Variants in ZNF648 observed in about 807,000 individuals in gnomAD.
ZNF648 encodes the protein zinc finger protein 648.
Under a neutral mutation model 0.3 loss-of-function variants are expected in ZNF648, and 1 was observed. The ratio of observed to expected loss-of-function variants is 3.90; its 90% CI spans 1.39 to 18.51. The LOEUF (loss-of-function observed/expected upper bound fraction) is 18.51, where lower values mean the gene tolerates loss of function less well. Among genes scored for constraint, ZNF648 ranks in the 30% most tolerant of loss-of-function variants. The pLI is 0.11. For synonymous variants in ZNF648, 376 were observed against 326.8 expected, an observed-to-expected ratio of 1.15 and a Z score of -1.62; for missense variants, 874 against 769.7, an observed-to-expected ratio of 1.14 and a Z score of -1.60.
rs764846052 is a variant in ZNF648, at chr1:182,057,288, C to G, written c.723G>C (p.Glu241Asp). 1 of 1,596,316 alleles carries G rather than the reference C, an allele frequency of 6.3e-7. No individual in the cohort carries two copies. Among genetic ancestry groups the G allele is most frequent in the Non-Finnish European group, 8.5e-7 (1 of 1,176,158 alleles). ...AGGGACGCGCCTCAGCCTCTCCGCC[C>G]TCGCGCCGGCCCGCCTGGTTCTGTA... The part of the protein sequence containing the change: ...RKVQNQAGRR[E>D]GGEAEARPYR... Residue 241 changes from glutamate to aspartate, a missense_variant, in exon 2 of 2, where the codon GAG (glutamate) becomes GAC (aspartate). By Grantham distance (45) the Glu-to-Asp change is conservative. Coordinates refer to ENST00000339948, the MANE Select transcript of ZNF648 (RefSeq NM_001009992.1).
Position 182,056,583 on chromosome 1 carries a change from A to G in ZNF648, c.1428T>C (p.Phe476=), listed in dbSNP as rs1020206850. The G allele has an allele frequency of 6.2e-7, 1 of 1,613,858 alleles. No homozygotes were observed. Among genetic ancestry groups the G allele is most frequent in the African/African-American group, 1.3e-5 (1 of 74,930 alleles). The change falls in exon 2 of 2, where the codon TTT becomes TTC. Residue 476 remains phenylalanine, a synonymous_variant. Coordinates refer to ENST00000339948, the MANE Select transcript of ZNF648 (RefSeq NM_001009992.1). ...AGGCCTGGCCACACTGCGTGCAAGG[A>G]AAGGGCCTCTCGCCAGTGTGGATGC... The part of the protein sequence containing the change: ...HQRIHTGERP[F]PCTQCGQAFA...
upstream of ZNF648, chr1:182,063,041 C>G (rs1666051504): frequency 6.6e-6 from 1 of 152,196 alleles, no homozygotes; most frequent in Non-Finnish European, 1.5e-5. Flanking sequence ...TGATCCTGTT[C>G]CTTTTTATGG....
upstream of ZNF648, among the ~76,000 whole-genome samples, chr1:182,062,174 C>G (rs74127999): frequency 2.5e-3 from 383 of 152,294 alleles, 2 homozygotes; most frequent in African/African-American, 8.9e-3. Flanking sequence ...CTCAAAGATG[C>G]CCACAGCCTT....
At chr1:182,061,239 G>A (rs1666027738) in intron 1 of ZNF648, among the ~76,000 whole-genome samples, 1 of 152,220 alleles carries the variant, frequency 6.6e-6, no homozygotes, top group South Asian at 2.1e-4. Flanking sequence ...GAACACTGAT[G>A]CCATGGTATG....
chr1:182,065,280 T>G (rs796882376), upstream of ZNF648, among the ~76,000 whole-genome samples: 1 of 152,118 alleles, frequency 6.6e-6, no homozygotes, highest in Non-Finnish European at 1.5e-5. Context: ...TATTTCCTCC[T>G]GGAAAGTCTT....
chr1:182,059,319 CTT>C (rs1442061169), intron 1 of ZNF648, among the ~76,000 whole-genome samples: 1 of 152,130 alleles, frequency 6.6e-6, no homozygotes, highest in Non-Finnish European at 1.5e-5. Context: ...TATTTTCAAA[CTT>C]ATTTTATTTT....
intron 1 of ZNF648, among the ~76,000 whole-genome samples, chr1:182,059,288 ACATGAGAGC>A (rs886490961): frequency 1.3e-5 from 2 of 152,214 alleles, no homozygotes; most frequent in African/African-American, 4.8e-5. Flanking sequence ...AATGCATGAG[ACATGAGAGC>A]CATTTGGGTT....
Position 182,057,123 on chromosome 1 carries a change from C to T in ZNF648, c.888G>A (p.Gln296=), listed in dbSNP as rs1436221311. ...KAYSHRGTLQ[Q]HRRLHTGERP... ...GCTCGCCCGTGTGCAGGCGCCTGTG[C>T]TGCTGGAGTGTGCCGCGGTGGGAGT... Residue 296 remains glutamine, a synonymous_variant, in exon 2 of 2, where the codon CAG becomes CAA. Coordinates refer to ENST00000339948, the MANE Select transcript of ZNF648 (RefSeq NM_001009992.1). The T allele has an allele frequency of 6.2e-7, 1 of 1,607,466 alleles. No homozygotes were observed. The highest frequency in any genetic ancestry group is 8.5e-7 in the Non-Finnish European group (1 of 1,179,766).
intron 1 of ZNF648, among the ~76,000 whole-genome samples, chr1:182,060,108 G>A (rs1474756173): frequency 1.3e-5 from 2 of 152,190 alleles, no homozygotes; most frequent in Admixed American, 1.3e-4. Context: ...CTGGGCCAAG[G>A]AACCTTGGCT....
In ZNF648 at chr1:182,056,941, A is replaced by T; in HGVS notation, c.1070T>A (p.Met357Lys). ...SSDLRKHQRN[M>K]HSNNKPFPCS... ...CGGGAAGGGCTTATTGTTGCTGTGCATGTTGCGCTGGTGTTTGCGCAGGTC... is the reference window on the plus strand; with the variant it reads ...CGGGAAGGGCTTATTGTTGCTGTGCTTGTTGCGCTGGTGTTTGCGCAGGTC... The change falls in exon 2 of 2, where the codon ATG becomes AAG. Residue 357 changes from methionine (M) to lysine (K), a missense_variant. Coordinates refer to ENST00000339948, the MANE Select transcript of ZNF648 (RefSeq NM_001009992.1). 1 of 1,612,640 alleles carries T rather than the reference A, an allele frequency of 6.2e-7. No individual in the cohort carries two copies. The highest frequency in any genetic ancestry group is 8.5e-7 in the Non-Finnish European group (1 of 1,179,406).
In ZNF648 at chr1:182,058,025, T is replaced by C. The variant is rs1394691274; in HGVS notation, c.-15A>G. On this transcript the variant is annotated 5_prime_UTR_variant, in exon 2 of 2. Transcript: ENST00000339948. ...ACTTGTGCCATGATGTTCAGGCGCT[T>C]CTATTGCCTACTCCTCTGAGGAGGA... is the stretch of plus-strand genomic sequence containing the variant. The C allele has an allele frequency of 6.3e-7, 1 of 1,584,934 alleles. No homozygotes were observed. The highest frequency in any genetic ancestry group is 1.8e-5 in the Admixed American group (1 of 55,144).
At chr1:182,065,297 T>G (rs187740298), upstream of ZNF648, among the ~76,000 whole-genome samples, 119 of 152,140 alleles carry the variant, frequency 7.8e-4, no homozygotes, top group African/African-American at 2.7e-3. Flanking sequence ...TCTTAGTCCC[T>G]CCTCCCCAAG....
rs1447424316 is a variant in ZNF648, at chr1:182,056,571, C to T, written c.1440G>A (p.Gln480=). 1.9e-6 allele frequency: 3 copies of T among 1,614,076 alleles called. No homozygotes were observed. In the Admixed American group the frequency reaches 5.0e-5, roughly 27 times the overall value. Reference sequence around the variant, plus strand: ...AAGAGCGGGCAAAGGCCTGGCCACACTGCGTGCAAGGAAAGGGCCTCTCGC... The same window carrying T: ...AAGAGCGGGCAAAGGCCTGGCCACATTGCGTGCAAGGAAAGGGCCTCTCGC... The part of the protein sequence containing the change: ...HTGERPFPCT[Q]CGQAFARSST... The change falls in exon 2 of 2, where the codon CAG becomes CAA. Residue 480 remains glutamine (Q), a synonymous_variant. Coordinates refer to ENST00000339948, the MANE Select transcript of ZNF648 (RefSeq NM_001009992.1).
In ZNF648 at chr1:182,056,766, C is replaced by G; in HGVS notation, c.1245G>C (p.Ser415=). The G allele has an allele frequency of 6.4e-7, 1 of 1,562,956 alleles. No individual in the cohort carries two copies. The highest frequency in any genetic ancestry group is 8.7e-7 in the Non-Finnish European group (1 of 1,153,932). The change falls in exon 2 of 2, where the codon TCG becomes TCC. Residue 415 remains serine (S), a synonymous_variant. Transcript: ENST00000339948. The stretch of plus-strand genomic sequence containing the variant: ...TGGGGCAGGGGAAGGGCCGCTCGCC[C>G]GAGTGCACGCGCTGGTGCTCCACCA... The part of the protein sequence containing the change: ...SRMVEHQRVH[S]GERPFPCPTC...
At chr1:182,058,424 G>C (rs1432403647) in intron 1 of ZNF648, among the ~76,000 whole-genome samples, 3 of 152,184 alleles carry the variant, frequency 2.0e-5, no homozygotes, top group Non-Finnish European at 4.4e-5. Context: ...TGAGAGGGTA[G>C]GAACCAAGCT....
chr1:182,062,348 AC>A (rs1174599472), upstream of ZNF648, among the ~76,000 whole-genome samples: 7 of 152,074 alleles, frequency 4.6e-5, no homozygotes, highest in Non-Finnish European at 5.9e-5. Flanking sequence ...CAGAATTTTT[AC>A]CCACTCAAGT....
rs781484801 is a variant in ZNF648 at position 182,056,863 on chromosome 1, T to C, written c.1148A>G (p.Gln383Arg). The change falls in exon 2 of 2, where the codon CAG (glutamine) becomes CGG (arginine). Residue 383 changes from glutamine to arginine, a missense_variant. Transcript: ENST00000339948. The part of the protein sequence containing the change: ...FNKPLSLLRH[Q>R]RTHLGAKPFR... The stretch of plus-strand genomic sequence containing the variant: ...GGGCTTGGCGCCCAGGTGCGTGCGC[T>C]GGTGGCGCAGCAGCGACAGCGGCTT... 4.0e-5 allele frequency: 62 copies of C among 1,567,412 alleles called. No homozygotes were observed. Among genetic ancestry groups the C allele is most frequent in the Non-Finnish European group, 5.1e-5 (59 of 1,156,298 alleles).
At chr1:182,063,332 C>T (rs144371201), upstream of ZNF648, 4 of 152,320 alleles carry the variant, frequency 2.6e-5, no homozygotes, top group East Asian at 1.9e-4. Flanking sequence ...AGCGTAAAAA[C>T]GTTGCTATTT....
chr1:182,066,132 C>T (rs1166056311), upstream of ZNF648, among the ~76,000 whole-genome samples: 2 of 152,226 alleles, frequency 1.3e-5, no homozygotes, highest in Admixed American at 6.5e-5. Flanking sequence ...CTGGCAATTC[C>T]TCTGAGCTGC....
Sources: allele counts gnomAD v4.1 joint callset (sites outside exome capture counted in the v4.1 genomes callset), GRCh38; gene constraint gnomAD v4.1.1; transcripts MANE v1.5; gene names NCBI Gene and HGNC (gene_info 2026-07-23, HGNC 2026-07-21).